PIR: variants seen among roughly 807,000 people sequenced by gnomAD.
PIR encodes the protein pirin (iron-binding nuclear protein).
Under a neutral mutation model 24.2 loss-of-function variants are expected in PIR, and 22 were observed. The ratio of observed to expected loss-of-function variants is 0.91; its 90% confidence interval spans 0.65 to 1.30. The LOEUF (loss-of-function observed/expected upper bound fraction) is 1.30, where lower values mean the gene tolerates loss of function less well. PIR is among the 50% of genes most tolerant of loss of function. PIR has a pLI of 0.00. For synonymous variants in PIR, 80 were observed against 79.6 expected (o/e 1.00, Z -0.03); for missense variants, 220 against 220.3 (o/e 1.00, Z 0.01).
chrX:15,480,781 A>T (rs1159929591), intron 2 of PIR, among the ~76,000 whole-genome samples: 2 of 112,625 alleles, frequency 1.8e-5, no homozygotes, highest in Non-Finnish European at 3.8e-5. Flanking sequence ...ATGCATATGG[A>T]ATTATGAGAT....
chrX:15,468,153 G>A (rs982701477), intron 3 of PIR, among the ~76,000 whole-genome samples: 1 of 112,554 alleles, frequency 8.9e-6, no homozygotes, highest in African/African-American at 3.2e-5. Context: ...TGTTGCTTAA[G>A]AGAGCCCTCT....
chrX:15,397,923 C>T (rs1351338078), intron 7 of PIR, among the ~76,000 whole-genome samples: 2 of 111,948 alleles, frequency 1.8e-5, no homozygotes, highest in African/African-American at 3.2e-5. Flanking sequence ...AATTGCCTAG[C>T]ACTATGGGAC....
At chrX:15,416,381 C>T (rs1441891853) in intron 6 of PIR, among the ~76,000 whole-genome samples, 1 of 111,537 alleles carries the variant, frequency 9.0e-6, no homozygotes, top group Non-Finnish European at 1.9e-5. Context: ...TAGAGAAAGA[C>T]TATGAAAAAA....
At chrX:15,448,039 G>A (rs1001324743) in intron 5 of PIR, among the ~76,000 whole-genome samples, 1 of 111,731 alleles carries the variant, frequency 9.0e-6, no homozygotes, top group African/African-American at 3.3e-5. Flanking sequence ...TTGTCGCCAC[G>A]ACTGAAATGT....
intron 7 of PIR, among the ~76,000 whole-genome samples, chrX:15,400,466 G>T (rs969638724): frequency 9.0e-6 from 1 of 111,488 alleles, no homozygotes; most frequent in Non-Finnish European, 1.9e-5. Flanking sequence ...AAACCCCTTC[G>T]CTATGTTTTA....
intron 7 of PIR, among the ~76,000 whole-genome samples, chrX:15,400,242 T>TA (rs777993737): frequency 1.1e-4 from 12 of 112,059 alleles, no homozygotes; most frequent in Non-Finnish European, 2.3e-4. Context: ...TCTGGGAGTT[T>TA]AAAAAAATCT....
chrX:15,400,919 T>C (rs1454969013), intron 7 of PIR, among the ~76,000 whole-genome samples: 1 of 109,168 alleles, frequency 9.2e-6, no homozygotes, highest in Non-Finnish European at 1.9e-5. Flanking sequence ...TTTGTATTTT[T>C]AATAGAGATG....
At chrX:15,436,551 A>G (rs912773315) in intron 5 of PIR, among the ~76,000 whole-genome samples, 24 of 112,050 alleles carry the variant, frequency 2.1e-4, no homozygotes, top group Non-Finnish European at 4.3e-4. Context: ...TAAAGGCAAC[A>G]GTATAATAAA....
At chrX:15,441,198 A>C (rs1602270722) in intron 5 of PIR, among the ~76,000 whole-genome samples, 2 of 111,967 alleles carry the variant, frequency 1.8e-5, no homozygotes, top group Non-Finnish European at 3.8e-5. Context: ...AATTGGATAA[A>C]GATGCTTTGG....
intron 3 of PIR, 95 bp from the exon 4 acceptor site, chrX:15,459,835 G>A: frequency 2.3e-6 from 1 of 437,786 alleles, no homozygotes. Flanking sequence ...TGAGTTCCTT[G>A]TATATTTTGG....
At chrX:15,456,865 G>C (rs970032101) in intron 4 of PIR, among the ~76,000 whole-genome samples, 2 of 112,505 alleles carry the variant, frequency 1.8e-5, no homozygotes, top group East Asian at 5.6e-4. Context: ...GTTCATGTCT[G>C]TATTAAAAGC....
At chrX:15,439,262 G>T (rs1021324943) in intron 5 of PIR, among the ~76,000 whole-genome samples, 16 of 112,483 alleles carry the variant, frequency 1.4e-4, no homozygotes, top group African/African-American at 5.2e-4. Flanking sequence ...AGTCTGCACA[G>T]ATGTGCTGCA....
chrX:15,479,014 C>T (rs1347280854), intron 3 of PIR, among the ~76,000 whole-genome samples: 2 of 112,164 alleles, frequency 1.8e-5, no homozygotes, highest in African/African-American at 6.5e-5. Context: ...TGAGCTTCCA[C>T]AGAATATATG....
At chrX:15,450,444 G>A (rs943517932) in intron 5 of PIR, among the ~76,000 whole-genome samples, 15 of 110,610 alleles carry the variant, frequency 1.4e-4, no homozygotes, top group South Asian at 7.8e-4. Flanking sequence ...AAAAGTGTGC[G>A]CGTATATGTT....
intron 5 of PIR, among the ~76,000 whole-genome samples, chrX:15,445,655 T>C (rs866303816): frequency 7.8e-4 from 87 of 111,060 alleles, no homozygotes; most frequent in African/African-American, 2.7e-3. Context: ...TCAGTCCATA[T>C]TGTATTCCAA....
intron 7 of PIR, among the ~76,000 whole-genome samples, chrX:15,400,763 T>C (rs867756898): frequency 3.6e-5 from 1 of 27,856 alleles, no homozygotes; most frequent in Admixed American, 2.9e-4. Context: ...TTATTTATTT[T>C]TGAGATGGAG....
chrX:15,487,042 C>T (rs1006580632), intron 2 of PIR, among the ~76,000 whole-genome samples: 2 of 111,664 alleles, frequency 1.8e-5, no homozygotes, highest in African/African-American at 3.3e-5. Flanking sequence ...AGATTGACTC[C>T]AACACCTCAG....
chrX:15,451,443 T>C (rs1459875604), intron 5 of PIR, among the ~76,000 whole-genome samples: 3 of 111,590 alleles, frequency 2.7e-5, no homozygotes, highest in Non-Finnish European at 1.9e-5. Context: ...CCTTACTTCC[T>C]AGTCCCTTAA....
At chrX:15,410,010 C>T (rs1174542942) in intron 6 of PIR, among the ~76,000 whole-genome samples, 1 of 110,589 alleles carries the variant, frequency 9.0e-6, no homozygotes. Flanking sequence ...CCCAGCACTT[C>T]GGAGGGCCAA....
Sources: gnomAD v4.1 joint callset for allele counts (sites outside exome capture counted in the v4.1 genomes callset) on GRCh38, gnomAD v4.1.1 for gene constraint, MANE v1.5 for transcripts, NCBI Gene and HGNC (gene_info 2026-07-23, HGNC 2026-07-21) for gene names.